Variants in NMU observed in about 807,000 individuals in gnomAD.
The protein encoded by NMU is neuromedin-U.
NMU carries 29 observed loss-of-function variants against 35.4 expected under a neutral mutation model. The ratio of observed to expected loss-of-function variants is 0.82; its 90% CI spans 0.61 to 1.12. The LOEUF is 1.12. Among genes scored for constraint, NMU ranks in the 50% most tolerant of loss-of-function variants. The pLI, the probability that NMU is intolerant of heterozygous loss-of-function variation, is 0.00. For missense variants in NMU, 199 were observed against 206.2 expected (o/e 0.97, Z 0.21); for synonymous variants, 78 against 81.3 (o/e 0.96, Z 0.22).
Position 55,600,586 on chromosome 4 carries a change from A to C in NMU, c.436-11T>G, listed in dbSNP as rs1733385871. ...ACTTTGGAATTCTTCCTAGAAGAGA[A>C]AATGAGGGCATTACAAATCACATAA... On this transcript the variant is annotated splice_polypyrimidine_tract_variant and intron_variant, in intron 7 of 9. Transcript: ENST00000264218. The C allele has an allele frequency of 6.3e-7, 1 of 1,597,626 alleles. No individual in the cohort carries two copies. Among genetic ancestry groups the C allele is most frequent in the Non-Finnish European group, 8.6e-7 (1 of 1,165,348 alleles).
rs72447170 is a variant in NMU, at chr4:55,595,611, A to ATG, written c.*5-202_*5-201dup. On this transcript the variant is annotated intron_variant, in intron 9 of 9. Coordinates refer to ENST00000264218, the MANE Select transcript of NMU (RefSeq NM_006681.4). ...GCACACAGACAGAAGAAATATATAT[A>ATG]TGTGTGTGTGTGTATATATATATAT... Among the ~76,000 whole-genome samples, 267 of 116,562 alleles carry ATG rather than the reference A, an allele frequency of 2.3e-3. 1 individual carries two copies. Among genetic ancestry groups the ATG allele is most frequent in the Middle Eastern group, 4.5e-3 (1 of 220 alleles). The allele number at this position is 116,562 out of a possible 152,430, so 76.5% of individuals were successfully genotyped here.
At chr4:55,616,889 G>T (rs967033049) in intron 2 of NMU, among the ~76,000 whole-genome samples, 11 of 152,134 alleles carry the variant, frequency 7.2e-5, no homozygotes, top group Non-Finnish European at 1.5e-4. Context: ...TATTGGAAGA[G>T]AGTTCTATTT....
chr4:55,616,352 C>T lies in NMU; in HGVS notation c.205G>A (p.Asp69Asn), dbSNP rs1402319800. ...DDTCSSFLSI[D>N]SQPQASNALE... Reference sequence around the variant, plus strand: ...ATTGGAATTACCTGAGGCTGAGAATCAATGGACAGAAAAGACGAACAAGTA... The same window carrying T: ...ATTGGAATTACCTGAGGCTGAGAATTAATGGACAGAAAAGACGAACAAGTA... The change falls in exon 3 of 10, where the codon GAT (aspartate) becomes AAT (asparagine). Residue 69 changes from aspartate (D) to asparagine (N), a missense_variant. By Grantham distance (23) the Asp-to-Asn change is conservative. Transcript: ENST00000264218. The T allele has an allele frequency of 6.2e-7, 1 of 1,612,182 alleles. No homozygotes were observed. The highest frequency in any genetic ancestry group is 1.7e-5 in the Admixed American group (1 of 60,002).
chr4:55,633,182 G>A (rs560715371), intron 1 of NMU, among the ~76,000 whole-genome samples: 3 of 151,876 alleles, frequency 2.0e-5, no homozygotes, highest in Admixed American at 1.3e-4. Context: ...AAAATTAGCC[G>A]GGCATGGTGG....
Position 55,636,061 on chromosome 4 carries a change from C to T in NMU, c.112+20G>A, listed in dbSNP as rs759935114. The T allele has an allele frequency of 2.0e-6, 3 of 1,531,414 alleles. No individual in the cohort carries two copies. The highest frequency in any genetic ancestry group is 2.0e-5 in the Admixed American group (1 of 50,886). 94.9% of individuals were successfully genotyped at this position (1,531,414 alleles called of 1,614,324 possible). ...GAGGCGCGCATGGCGTGGAAGCGGCCGGGTGCGGGGCCGTCTTACCTCGGC... is the reference window on the plus strand; with the variant it reads ...GAGGCGCGCATGGCGTGGAAGCGGCTGGGTGCGGGGCCGTCTTACCTCGGC... On this transcript the variant is annotated intron_variant, in intron 1 of 9. Coordinates refer to ENST00000264218, the MANE Select transcript of NMU (RefSeq NM_006681.4). The surrounding 1 kb of genome is among the most constrained non-coding windows in gnomAD (Gnocchi z 4.0).
At chr4:55,634,890 T>A (rs10003885) in intron 1 of NMU, among the ~76,000 whole-genome samples, 135,080 of 150,052 alleles carry the variant, frequency 0.9, 60,211 homozygotes, top group East Asian at 1. Context: ...TCTCTCTCTC[T>A]CACACACACA....
rs1733389648 is a variant in NMU, at chr4:55,600,641, A to G, written c.436-66T>C. The stretch of plus-strand genomic sequence containing the variant: ...AAAAATAAGTGCAAATTCTCCTTGA[A>G]AGTATATTGAGGGTCAAAATTACTT... On this transcript the variant is annotated intron_variant, in intron 7 of 9. Coordinates refer to ENST00000264218, the MANE Select transcript of NMU (RefSeq NM_006681.4). The G allele has an allele frequency of 1.1e-5, 13 of 1,147,866 alleles. No homozygotes were observed. In the East Asian group the frequency reaches 3.0e-4, roughly 27 times the overall value. 71.1% of individuals were successfully genotyped at this position (1,147,866 alleles called of 1,614,324 possible).
chr4:55,606,646 T>C (rs1284874237), intron 6 of NMU, among the ~76,000 whole-genome samples: 2 of 151,948 alleles, frequency 1.3e-5, no homozygotes, highest in Non-Finnish European at 2.9e-5. Context: ...GTCTTTAGAA[T>C]GTGTTTCACA....
intron 3 of NMU, among the ~76,000 whole-genome samples, chr4:55,613,391 G>T (rs1178592915): frequency 6.6e-6 from 1 of 151,968 alleles, no homozygotes. Flanking sequence ...GGAAGATTTG[G>T]AGCAAAGCAG....
chr4:55,600,600 C>T, intron 7 of NMU, 25 bp from the exon 8 acceptor site: 2 of 1,547,758 alleles, frequency 1.3e-6, no homozygotes, highest in African/African-American at 1.4e-5. Context: ...GAGGGCATTA[C>T]AAATCACATA....
At chr4:55,600,227 CT>C (rs72166313) in intron 8 of NMU, among the ~76,000 whole-genome samples, 7,823 of 152,122 alleles carry the variant, frequency 0.051, 242 homozygotes, top group Non-Finnish European at 0.076. Flanking sequence ...AATAGTGTAT[CT>C]TTAAGACAGT....
intron 2 of NMU, 34 bp from the exon 3 acceptor site, chr4:55,616,419 G>A (rs1734111732): frequency 2.7e-6 from 4 of 1,499,986 alleles, no homozygotes; most frequent in Non-Finnish European, 1.9e-6. Context: ...TACATCCTGG[G>A]AATGGACAGA....
intron 9 of NMU, among the ~76,000 whole-genome samples, 152 bp from the exon 10 acceptor site, chr4:55,595,563 T>TACACAC (rs1553908987): frequency 8.3e-6 from 1 of 120,050 alleles, no homozygotes; most frequent in African/African-American, 3.0e-5. Flanking sequence ...TATATATATA[T>TACACAC]ACACACACAC....
intron 3 of NMU, among the ~76,000 whole-genome samples, chr4:55,611,198 C>CA (rs1032030481): frequency 1.3e-5 from 2 of 151,724 alleles, no homozygotes; most frequent in African/African-American, 4.8e-5. Context: ...CCTGTCTCTA[C>CA]AAAAAACACA....
At chr4:55,631,620 C>T (rs943468921) in intron 1 of NMU, among the ~76,000 whole-genome samples, 1 of 152,158 alleles carries the variant, frequency 6.6e-6, no homozygotes, top group African/African-American at 2.4e-5. Context: ...CAAGATAACA[C>T]CTTACTCCTG....
In NMU at chr4:55,609,163, T is replaced by C. The variant is rs35892915; in HGVS notation, c.236A>G (p.Glu79Gly). ...DSQPQASNAL[E>G]ELCFMIMGML... The stretch of plus-strand genomic sequence containing the variant: ...TCCCATAATCATAAAGCAAAGCTCC[T>C]CCAGTGCGTTGGATGCCTAACAGAA... Residue 79 changes from glutamate to glycine, a missense_variant, in exon 4 of 10, where the codon GAG (glutamate) becomes GGG (glycine). Coordinates refer to ENST00000264218, the MANE Select transcript of NMU (RefSeq NM_006681.4). 3.8e-3 allele frequency: 6,065 copies of C among 1,612,732 alleles called. 210 individuals are homozygous for C. The African/African-American group carries it at 0.072, about 19-fold the overall frequency.
At chr4:55,616,466 C>T in intron 2 of NMU, 81 bp from the exon 3 acceptor site, 6 of 1,046,424 alleles carry the variant, frequency 5.7e-6, no homozygotes, top group Non-Finnish European at 9.0e-6. Context: ...GTCACATTAC[C>T]TATGGAACAT....
intron 7 of NMU, among the ~76,000 whole-genome samples, chr4:55,601,502 C>T (rs1733422378): frequency 6.6e-6 from 1 of 151,654 alleles, no homozygotes; most frequent in South Asian, 2.1e-4. Flanking sequence ...CTATAACTCC[C>T]CAAATTACTT....
At chr4:55,629,544 G>A (rs528157366) in intron 2 of NMU, among the ~76,000 whole-genome samples, 2 of 147,074 alleles carry the variant, frequency 1.4e-5, no homozygotes, top group East Asian at 2.1e-4. Context: ...GCTTGAACCC[G>A]GGAGGCGGAG....
Sources: gnomAD v4.1 joint callset for allele counts (sites outside exome capture counted in the v4.1 genomes callset) on GRCh38, gnomAD v4.1.1 for gene constraint, Gnocchi (gnomAD v3.1) non-coding constraint, MANE v1.5 for transcripts, NCBI Gene and HGNC (gene_info 2026-07-23, HGNC 2026-07-21) for gene names.